TTC7B: variants seen among roughly 807,000 people sequenced by gnomAD.
TTC7B encodes tetratricopeptide repeat protein 7B.
A neutral mutation model predicts 106.8 loss-of-function variants in TTC7B; 28 were observed. The ratio of observed to expected loss-of-function variants is 0.26; its 90% CI spans 0.19 to 0.36. The LOEUF (loss-of-function observed/expected upper bound fraction) is 0.36. Among genes scored for constraint, TTC7B ranks in the 10% least tolerant of loss-of-function variants. The pLI is 1.00. For synonymous variants in TTC7B, 405 were observed against 430.6 expected (o/e 0.94, Z 0.74); for missense variants, 862 against 1,076.4 (o/e 0.80, Z 2.79).
At chr14:90,769,930 T>A (rs893146666) in intron 3 of TTC7B, among the ~76,000 whole-genome samples, 5 of 152,020 alleles carry the variant, frequency 3.3e-5, no homozygotes, top group Non-Finnish European at 7.4e-5. Context: ...AGGAGAGTCA[T>A]TTGATACGAG....
chr14:90,571,981 C>T (rs1891054377), intron 19 of TTC7B, among the ~76,000 whole-genome samples: 1 of 152,166 alleles, frequency 6.6e-6, no homozygotes, highest in Admixed American at 6.5e-5. Context: ...TCTCCTCCCA[C>T]AGGGACACAA....
chr14:90,775,859 A>AAGTT lies in TTC7B; in HGVS notation c.445+4875_445+4878dup, dbSNP rs1448549945. Among the ~76,000 whole-genome samples the AAGTT allele has an allele frequency of 2.0e-5, 3 of 152,138 alleles. No homozygotes were observed. The East Asian group carries it at 5.8e-4, about 29-fold the overall frequency. On this transcript the variant is annotated intron_variant, in intron 3 of 19. Transcript: ENST00000328459. Reference sequence around the variant, plus strand: ...TTTGGTGCCATGCAATCTGGAAAAGAAGTTAATTCCCCTGCTGTTTCCAGG... The same window carrying AAGTT: ...TTTGGTGCCATGCAATCTGGAAAAGAAGTTAGTTAATTCCCCTGCTGTTTCCAGG...
chr14:90,722,311 T>C (rs1477246268), intron 5 of TTC7B, among the ~76,000 whole-genome samples: 1 of 152,136 alleles, frequency 6.6e-6, no homozygotes, highest in Non-Finnish European at 1.5e-5. Flanking sequence ...CTGCTGAGGT[T>C]AAAATGTAGC....
chr14:90,754,753 C>T (rs1265030264), intron 3 of TTC7B, among the ~76,000 whole-genome samples: 1 of 152,146 alleles, frequency 6.6e-6, no homozygotes, highest in Non-Finnish European at 1.5e-5. Context: ...TCTCCCAGCC[C>T]CCGGGAACCG....
Position 90,657,444 on chromosome 14 carries a change from C to G in TTC7B, c.1237-166G>C, listed in dbSNP as rs574613269. ...GGTGCATGAAAACCAGAGCCTGCGG[C>G]TTCTGAGTGACTGGGGAGTACACTG... On this transcript the variant is annotated intron_variant, in intron 10 of 19. Coordinates refer to ENST00000328459, the MANE Select transcript of TTC7B (RefSeq NM_001010854.2). This position sits in a 1 kb window ranked among gnomAD's most constrained non-coding sequence, Gnocchi z 4.2. 8 of 588,978 alleles carry G rather than the reference C, an allele frequency of 1.4e-5. No homozygotes were observed. The East Asian group carries it at 2.3e-4, about 17-fold the overall frequency. The allele number at this position is 588,978 out of a possible 1,614,324, so 36.5% of individuals were successfully genotyped here. A position where few individuals can be genotyped will look rare whatever the true frequency, so the allele number is the denominator to read the frequency against.
Position 90,536,168 on chromosome 14 carries a change from C to T in TTC7B, c.*5200G>A, listed in dbSNP as rs532349176. 1.3e-5 allele frequency: 2 copies of T among 155,040 alleles called. No individual in the cohort carries two copies. The highest frequency in any genetic ancestry group is 1.9e-4 in the East Asian group (1 of 5,198). 9.6% of individuals were successfully genotyped at this position (155,040 alleles called of 1,614,324 possible). A position where few individuals can be genotyped will look rare whatever the true frequency, so the allele number is the denominator to read the frequency against. On this transcript the variant is annotated 3_prime_UTR_variant, in exon 20 of 20. Coordinates refer to ENST00000328459, the MANE Select transcript of TTC7B (RefSeq NM_001010854.2). ...ACGGGGTCTCCAGGCATTGAGAGAG[C>T]CCACCCACCTCCTCCAGGAAGCTCA...
intron 7 of TTC7B, among the ~76,000 whole-genome samples, chr14:90,685,838 G>C (rs1024263313): frequency 1.3e-5 from 2 of 151,934 alleles, no homozygotes; most frequent in Admixed American, 6.6e-5. Flanking sequence ...TAAAGAGATT[G>C]AATTAGCATT....
At chr14:90,642,283 A>G (rs1482767342) in intron 15 of TTC7B, among the ~76,000 whole-genome samples, 1 of 152,232 alleles carries the variant, frequency 6.6e-6, no homozygotes, top group East Asian at 1.9e-4. Context: ...CTCGATGGGA[A>G]GAAGTGCCCT....
intron 19 of TTC7B, among the ~76,000 whole-genome samples, chr14:90,557,511 A>T (rs562371928): frequency 6.6e-6 from 1 of 152,322 alleles, no homozygotes; most frequent in South Asian, 2.1e-4. Flanking sequence ...CACCTACTAT[A>T]TCCTTAGTGT....
rs1890437090 is a variant in TTC7B, at chr14:90,759,759, G to A, written c.446-14837C>T. ...GATCTCAGAATATACTGAGAAGTTT[G>A]CCCTTTTGCTTAGGCACCTTGTGTG... On this transcript the variant is annotated intron_variant, in intron 3 of 19. Coordinates refer to ENST00000328459, the MANE Select transcript of TTC7B (RefSeq NM_001010854.2). The surrounding 1 kb of genome is among the most constrained non-coding windows in gnomAD (Gnocchi z 4.1). Among the ~76,000 whole-genome samples, 1 of 152,250 alleles carries A rather than the reference G, an allele frequency of 6.6e-6. No individual in the cohort carries two copies. The highest frequency in any genetic ancestry group is 2.1e-4 in the South Asian group (1 of 4,822).
chr14:90,553,535 G>A (rs1890176962), intron 19 of TTC7B, among the ~76,000 whole-genome samples: 1 of 152,162 alleles, frequency 6.6e-6, no homozygotes, highest in African/African-American at 2.4e-5. Flanking sequence ...ACCATGAGAG[G>A]ACAGTCTGAA....
At chr14:90,606,937 T>C (rs965204812) in intron 17 of TTC7B, among the ~76,000 whole-genome samples, 12 of 152,128 alleles carry the variant, frequency 7.9e-5, no homozygotes, top group Non-Finnish European at 1.3e-4. Context: ...TATATAATAA[T>C]AGTATTGTAG....
In TTC7B at chr14:90,716,601, G is replaced by T. The variant is rs557996825; in HGVS notation, c.698+13474C>A. On this transcript the variant is annotated intron_variant, in intron 5 of 19. Transcript: ENST00000328459. ...AGGCAACAGTTTTTTGTTTGTTTTT[G>T]TGTGTGTGTATGTGTGTTTAATTTA... Among the ~76,000 whole-genome samples the T allele has an allele frequency of 1.7e-4, 26 of 152,152 alleles. 1 individual carries two copies. In the East Asian group the frequency reaches 3.7e-3, roughly 21 times the overall value.
At position 90,807,853 on chromosome 14, in the gene TTC7B, G is replaced by C. The variant is rs115393394; in HGVS notation, c.121+8322C>G. ...CCTGCAACACTGGGAGCTTAAGAATGCAGAACCCCAGCTCCACCCTAGACC... is the reference window on the plus strand; with the variant it reads ...CCTGCAACACTGGGAGCTTAAGAATCCAGAACCCCAGCTCCACCCTAGACC... On this transcript the variant is annotated intron_variant, in intron 1 of 19. Transcript: ENST00000328459. The surrounding 1 kb of genome is among the most constrained non-coding windows in gnomAD (Gnocchi z 4.1). 1.9e-3 allele frequency among the ~76,000 whole-genome samples: 296 copies of C among 152,324 alleles called. 1 individual carries two copies. Among genetic ancestry groups the C allele is most frequent in the African/African-American group, 6.9e-3 (288 of 41,574 alleles).
intron 3 of TTC7B, among the ~76,000 whole-genome samples, chr14:90,778,875 G>A (rs191506136): frequency 1.3e-5 from 2 of 152,294 alleles, no homozygotes; most frequent in East Asian, 3.9e-4. Flanking sequence ...CAGGGAACTG[G>A]GTGAATATAT....
At chr14:90,634,303 AAAAG>A (rs1386761334) in intron 15 of TTC7B, among the ~76,000 whole-genome samples, 1 of 152,340 alleles carries the variant, frequency 6.6e-6, no homozygotes, top group African/African-American at 2.4e-5. Context: ...TTTTTCAACA[AAAAG>A]AAGGCAGATT....
intron 7 of TTC7B, among the ~76,000 whole-genome samples, chr14:90,687,533 G>C (rs1461248001): frequency 6.6e-6 from 1 of 152,174 alleles, no homozygotes; most frequent in Non-Finnish European, 1.5e-5. Context: ...GGTGAGAATG[G>C]AGGTCCTTAA....
Position 90,776,347 on chromosome 14 carries a change from G to T in TTC7B, c.445+4391C>A, listed in dbSNP as rs77715317. On this transcript the variant is annotated intron_variant, in intron 3 of 19. Transcript: ENST00000328459. ...AACTAGTTCTCAGGAGTTGGGCGAG[G>T]GGCTCAAGCATGCGCACTAAGGGGC... 2.8e-4 allele frequency among the ~76,000 whole-genome samples: 43 copies of T among 152,210 alleles called. 1 individual carries two copies. The East Asian group carries it at 8.1e-3, about 29-fold the overall frequency.
intron 19 of TTC7B, among the ~76,000 whole-genome samples, chr14:90,556,376 G>C (rs1057380499): frequency 6.6e-6 from 1 of 152,132 alleles, no homozygotes. Context: ...TGGCTGGAAC[G>C]TGGCGGTAGC....
Sources: allele counts gnomAD v4.1 joint callset (sites outside exome capture counted in the v4.1 genomes callset), GRCh38; gene constraint gnomAD v4.1.1; non-coding constraint Gnocchi (gnomAD v3.1); transcripts MANE v1.5; gene names NCBI Gene and HGNC (gene_info 2026-07-23, HGNC 2026-07-21).